Variants in HORMAD2 observed in about 807,000 individuals in gnomAD.
HORMAD2 encodes HORMA domain-containing protein 2.
A neutral mutation model predicts 38.8 loss-of-function variants in HORMAD2; 45 were observed. The ratio of observed to expected loss-of-function variants is 1.16; its 90% CI spans 0.91 to 1.49. HORMAD2 has a LOEUF of 1.49. Among genes scored for constraint, HORMAD2 ranks in the 40% most tolerant of loss-of-function variants. The pLI is 0.00. For missense variants in HORMAD2, 338 were observed against 367.0 expected (o/e 0.92, Z 0.65); for synonymous variants, 126 against 122.8 (o/e 1.03, Z -0.17).
chr22:30,092,554 G>T (rs574514299), intron 1 of HORMAD2, among the ~76,000 whole-genome samples: 5 of 151,980 alleles, frequency 3.3e-5, no homozygotes, highest in African/African-American at 7.3e-5. Context: ...CTGTGCATTT[G>T]AAGTCTTACC....
chr22:30,116,198 G>A (rs1006460568), intron 7 of HORMAD2, among the ~76,000 whole-genome samples: 20 of 152,158 alleles, frequency 1.3e-4, no homozygotes, highest in African/African-American at 4.8e-4. Flanking sequence ...GGTGCCATGA[G>A]CCTGGAGCTT....
At chr22:30,152,417 C>T (rs1924807222) in intron 10 of HORMAD2, among the ~76,000 whole-genome samples, 1 of 152,074 alleles carries the variant, frequency 6.6e-6, no homozygotes, top group Non-Finnish European at 1.5e-5. Flanking sequence ...GACTTGGACT[C>T]CTGGGCCCAA....
chr22:30,167,874 AACTTGC>A (rs1394439505), intron 10 of HORMAD2, among the ~76,000 whole-genome samples: 1 of 152,180 alleles, frequency 6.6e-6, no homozygotes, highest in Non-Finnish European at 1.5e-5. Flanking sequence ...TTGGGTTCAA[AACTTGC>A]ACTTACTAAA....
At chr22:30,168,120 A>G (rs1465843810) in intron 10 of HORMAD2, among the ~76,000 whole-genome samples, 1 of 152,238 alleles carries the variant, frequency 6.6e-6, no homozygotes, top group Non-Finnish European at 1.5e-5. Flanking sequence ...TATTTTTACA[A>G]ATCTATGATC....
intron 2 of HORMAD2, among the ~76,000 whole-genome samples, chr22:30,096,047 C>T (rs967805803): frequency 6.6e-6 from 1 of 152,028 alleles, no homozygotes; most frequent in Non-Finnish European, 1.5e-5. Context: ...TACTAATACT[C>T]ATTTGTATCT....
intron 10 of HORMAD2, among the ~76,000 whole-genome samples, chr22:30,158,499 CTTTCCTT>C (rs1409904415): frequency 6.7e-6 from 1 of 149,660 alleles, no homozygotes. Context: ...TCTTTTCTTT[CTTTCCTT>C]CTTTCTTTTT....
intron 1 of HORMAD2, among the ~76,000 whole-genome samples, chr22:30,082,324 A>G (rs2068496297): frequency 6.6e-6 from 1 of 152,192 alleles, no homozygotes. Flanking sequence ...TAAATCAACT[A>G]TGATTATATT....
chr22:30,115,809 G>A (rs901875308), intron 7 of HORMAD2, among the ~76,000 whole-genome samples: 1 of 152,140 alleles, frequency 6.6e-6, no homozygotes, highest in African/African-American at 2.4e-5. Context: ...GAAGAAGGAG[G>A]GATTGGATGG....
At chr22:30,166,996 G>A (rs545262316) in intron 10 of HORMAD2, among the ~76,000 whole-genome samples, 76 of 152,194 alleles carry the variant, frequency 5.0e-4, no homozygotes, top group Non-Finnish European at 1.0e-3. Context: ...CAACAAAAAT[G>A]TATTCTCTCA....
At chr22:30,158,893 C>G (rs1239731963) in intron 10 of HORMAD2, among the ~76,000 whole-genome samples, 1 of 151,896 alleles carries the variant, frequency 6.6e-6, no homozygotes, top group Non-Finnish European at 1.5e-5. Flanking sequence ...CCATGTTGCC[C>G]AGGTTGATCT....
At chr22:30,133,809 A>G (rs1197191148) in intron 10 of HORMAD2, among the ~76,000 whole-genome samples, 1 of 152,196 alleles carries the variant, frequency 6.6e-6, no homozygotes, top group Non-Finnish European at 1.5e-5. Context: ...ATATGTACAT[A>G]GGATGTGCAT....
At chr22:30,133,950 T>A (rs1923466513) in intron 10 of HORMAD2, among the ~76,000 whole-genome samples, 1 of 152,296 alleles carries the variant, frequency 6.6e-6, no homozygotes, top group Non-Finnish European at 1.5e-5. Context: ...GTATACTTTA[T>A]GAGCCACTAC....
Position 30,176,406 on chromosome 22 carries a change from G to A in HORMAD2, c.*239G>A, listed in dbSNP as rs578165216. ...CTGGATAGCATTACTTCAAAGCTGG[G>A]TTAGAGATGAGGCACCTTTTATATT... On this transcript the variant is annotated 3_prime_UTR_variant, in exon 11 of 11. Coordinates refer to ENST00000336726, the MANE Select transcript of HORMAD2 (RefSeq NM_152510.4). 2.5e-6 allele frequency: 1 copy of A among 395,542 alleles called. No individual in the cohort carries two copies. The highest frequency in any genetic ancestry group is 4.5e-6 in the Non-Finnish European group (1 of 219,964). The allele number at this position is 395,542 out of a possible 1,614,324, so 24.5% of individuals were successfully genotyped here. A position where few individuals can be genotyped will look rare whatever the true frequency, so the allele number is the denominator to read the frequency against.
chr22:30,094,092 A>G, intron 2 of HORMAD2, 89 bp downstream of exon 2: 1 of 975,456 alleles, frequency 1.0e-6, no homozygotes, highest in Non-Finnish European at 1.5e-6. Flanking sequence ...TGTGTTTTTA[A>G]GCAGCAGTTT....
the HORMAD2 span, among the ~76,000 whole-genome samples, chr22:30,187,501 T>TG: frequency 6.8e-6 from 1 of 147,768 alleles, no homozygotes; most frequent in East Asian, 2.0e-4. Context: ...TATATTTCCT[T>TG]TGTGTGTGTG....
chr22:30,180,651 G>C (rs1220940635), downstream of HORMAD2, among the ~76,000 whole-genome samples: 1 of 152,160 alleles, frequency 6.6e-6, no homozygotes, highest in Non-Finnish European at 1.5e-5. Flanking sequence ...TAAGCAAGCG[G>C]ATTCAAGTAA....
At chr22:30,102,092 T>C (rs1481262770) in intron 3 of HORMAD2, among the ~76,000 whole-genome samples, 1 of 152,108 alleles carries the variant, frequency 6.6e-6, no homozygotes, top group East Asian at 1.9e-4. Flanking sequence ...TCTTAAGTAA[T>C]GTAAGAGCAT....
intron 7 of HORMAD2, among the ~76,000 whole-genome samples, chr22:30,116,937 T>C (rs1328960480): frequency 7.2e-6 from 1 of 138,768 alleles, no homozygotes; most frequent in Non-Finnish European, 1.5e-5. Flanking sequence ...GAGAGGACTC[T>C]GTTCATCTCG....
At chr22:30,088,264 C>T (rs2146061062) in intron 1 of HORMAD2, among the ~76,000 whole-genome samples, 1 of 149,796 alleles carries the variant, frequency 6.7e-6, no homozygotes, top group East Asian at 1.9e-4. Context: ...CACATATATA[C>T]ATATATACAC....
Sources: allele counts gnomAD v4.1 joint callset (sites outside exome capture counted in the v4.1 genomes callset), GRCh38; gene constraint gnomAD v4.1.1; transcripts MANE v1.5; gene names NCBI Gene and HGNC (gene_info 2026-07-23, HGNC 2026-07-21).